Variants in RSPO4 observed in about 807,000 individuals in gnomAD.
RSPO4 encodes the protein R-spondin 4, also known as R-spondin-4.
Under a neutral mutation model 24.8 loss-of-function variants are expected in RSPO4, and 23 were observed. That is an observed-to-expected ratio of 0.93 (90% CI 0.67 to 1.31). The LOEUF (loss-of-function observed/expected upper bound fraction) is 1.31. Ranked by LOEUF, RSPO4 falls within the 40% of genes most tolerant of loss-of-function variation. RSPO4 has a pLI of 0.00. For synonymous variants in RSPO4, 141 were observed against 127.4 expected, an observed-to-expected ratio of 1.11 and a Z score of -0.72; for missense variants, 333 against 316.5, an observed-to-expected ratio of 1.05 and a Z score of -0.39.
intron 2 of RSPO4, 86 bp downstream of exon 2, chr20:967,864 G>A (rs1984265295): frequency 1.5e-6 from 2 of 1,316,506 alleles, no homozygotes; most frequent in African/African-American, 2.9e-5. Context: ...CTTCCCCTCT[G>A]TCTGTGCTGG....
chr20:975,815 T>C (rs1984545760), intron 1 of RSPO4, among the ~76,000 whole-genome samples: 1 of 152,228 alleles, frequency 6.6e-6, no homozygotes, highest in Admixed American at 6.5e-5. Flanking sequence ...ACTTTACCTC[T>C]ACAAGCCTCA....
intron 1 of RSPO4, among the ~76,000 whole-genome samples, chr20:972,806 C>T (rs902330741): frequency 2.0e-5 from 3 of 152,208 alleles, no homozygotes; most frequent in Admixed American, 2.0e-4. Context: ...TGTGCCTTGG[C>T]GCTGTGTAAG....
intron 1 of RSPO4, among the ~76,000 whole-genome samples, chr20:991,305 A>G (rs759468681): frequency 6.6e-6 from 1 of 152,156 alleles, no homozygotes; most frequent in Non-Finnish European, 1.5e-5. Context: ...AACCCAGACC[A>G]TAAGGCAGAA....
intron 1 of RSPO4, among the ~76,000 whole-genome samples, chr20:968,925 C>T (rs561436492): frequency 1.3e-5 from 2 of 152,312 alleles, no homozygotes; most frequent in East Asian, 3.9e-4. Context: ...TTAAGTGAGC[C>T]TCTCCCAGGC....
At position 960,367 on chromosome 20, in the gene RSPO4, A is replaced by G. The variant is rs1172680206; in HGVS notation, c.695T>C (p.Leu232Pro). 2 of 1,536,568 alleles carry G rather than the reference A, an allele frequency of 1.3e-6. No homozygotes were observed. Among genetic ancestry groups the G allele is most frequent in the Admixed American group, 3.9e-5 (2 of 51,060 alleles). ...CGGGAGAGCCGGCGGTCAGGGCTGC[A>G]GGCCGGGCTGGCGCGGCCTCACGTC... ...RLDVRPRQPG[L>P]QP is the part of the protein sequence containing the mutation. Residue 232 changes from leucine to proline, a missense_variant, in exon 5 of 5, where the codon CTG becomes CCG. Leu to Pro is a moderately conservative substitution (Grantham distance 98). Transcript: ENST00000217260.
chr20:994,886 T>C lies in RSPO4; in HGVS notation c.79+7200A>G, dbSNP rs144592706. ...GCTCCATCCTGTCTTCTGACATTTG[T>C]CCCAGCCCTGGGAAAAAAGGCAAAG... On this transcript the variant is annotated intron_variant, in intron 1 of 4. Transcript: ENST00000217260. Among the ~76,000 whole-genome samples the C allele has an allele frequency of 3.5e-3, 540 of 152,138 alleles. 3 individuals carry two copies. Among genetic ancestry groups the C allele is most frequent in the African/African-American group, 0.012 (517 of 41,522 alleles).
At chr20:966,900 C>T (rs996050682) in intron 3 of RSPO4, among the ~76,000 whole-genome samples, 3 of 152,280 alleles carry the variant, frequency 2.0e-5, no homozygotes, top group Non-Finnish European at 4.4e-5. Flanking sequence ...TAAACATCAG[C>T]GCTCTTCTTC....
chr20:964,456 G>T (rs1180075495), intron 3 of RSPO4, among the ~76,000 whole-genome samples: 1 of 152,012 alleles, frequency 6.6e-6, no homozygotes, highest in Non-Finnish European at 1.5e-5. Flanking sequence ...AAAGCCTTGG[G>T]AGCCCGGCCC....
intron 1 of RSPO4, among the ~76,000 whole-genome samples, chr20:996,587 C>T (rs1028491149): frequency 1.3e-5 from 2 of 152,162 alleles, no homozygotes; most frequent in East Asian, 1.9e-4. Flanking sequence ...GCACCACATA[C>T]GATCTGTTGC....
rs1054245460 is a variant in RSPO4 at position 960,618 on chromosome 20, G to T, written c.596-152C>A. The stretch of plus-strand genomic sequence containing the variant: ...CACTGACCTTGCAGTCCCTCCTGTT[G>T]AGAGTTTGGACCGTGGGCTAAGGTA... On this transcript the variant is annotated intron_variant, in intron 4 of 4. Transcript: ENST00000217260. 7.3e-6 allele frequency: 5 copies of T among 689,098 alleles called. No individual in the cohort carries two copies. In the Admixed American group the frequency reaches 1.0e-4, roughly 14 times the overall value. 42.7% of individuals were successfully genotyped at this position (689,098 alleles called of 1,614,324 possible).
Position 960,297 on chromosome 20 carries a change from G to A in RSPO4, c.*60C>T, listed in dbSNP as rs1410848883. 3.9e-6 allele frequency: 4 copies of A among 1,028,178 alleles called. No individual in the cohort carries two copies. The highest frequency in any genetic ancestry group is 1.4e-5 in the South Asian group (1 of 73,808). The allele number at this position is 1,028,178 out of a possible 1,614,324, so 63.7% of individuals were successfully genotyped here. On this transcript the variant is annotated 3_prime_UTR_variant, in exon 5 of 5. Coordinates refer to ENST00000217260, the MANE Select transcript of RSPO4 (RefSeq NM_001029871.4). ...AAGAGTAAGAGGAGAGGAGGAGAAG[G>A]AGCAGGAGGAGGTGTGCAGGGGCCG...
intron 3 of RSPO4, among the ~76,000 whole-genome samples, chr20:965,804 T>C (rs78938613): frequency 0.017 from 2,613 of 152,326 alleles, 73 homozygotes; most frequent in African/African-American, 0.059. Context: ...CTTCTGTCTC[T>C]CCACTGAAAT....
rs970148857 is a variant in RSPO4 at position 981,790 on chromosome 20, G to A, written c.80-13652C>T. ...TGTCCCCACATTAAAGCATAGAGAA[G>A]GCCTGAGCCCCTGCCCTATGCTGGT... On this transcript the variant is annotated intron_variant, in intron 1 of 4. Coordinates refer to ENST00000217260, the MANE Select transcript of RSPO4 (RefSeq NM_001029871.4). This position sits in a 1 kb window ranked among gnomAD's most constrained non-coding sequence, Gnocchi z 4.6. 1.3e-5 allele frequency among the ~76,000 whole-genome samples: 2 copies of A among 152,130 alleles called. No individual in the cohort carries two copies. Among genetic ancestry groups the A allele is most frequent in the African/African-American group, 4.8e-5 (2 of 41,430 alleles).
In RSPO4 at chr20:967,313, T is replaced by A. The variant is rs1401890369; in HGVS notation, c.270A>T (p.Lys90Asn). The change falls in exon 3 of 5, where the codon AAA becomes AAT. Residue 90 changes from lysine (K) to asparagine (N), a missense_variant and splice_region_variant. Physicochemically the swap from Lys to Asn is moderately conservative, Grantham distance 94. Coordinates refer to ENST00000217260, the MANE Select transcript of RSPO4 (RefSeq NM_001029871.4). ...IRGQEVNRCK[K>N]CGATCESCFS... is the part of the protein sequence containing the mutation. The stretch of plus-strand genomic sequence containing the variant: ...AGCAGCTCTCACAAGTGGCCCCACA[T>A]TCTGTAATAGAGCCAGGGACACCCC... The A allele has an allele frequency of 1.2e-6, 2 of 1,614,122 alleles. No individual in the cohort carries two copies. The highest frequency in any genetic ancestry group is 1.7e-6 in the Non-Finnish European group (2 of 1,180,038).
chr20:968,399 T>C (rs1318405575), intron 1 of RSPO4, among the ~76,000 whole-genome samples: 2 of 152,242 alleles, frequency 1.3e-5, no homozygotes, highest in African/African-American at 4.8e-5. Flanking sequence ...TGTCGTCCCC[T>C]CATCCTTTCT....
intron 1 of RSPO4, 129 bp downstream of exon 1, chr20:1,001,957 C>T: frequency 1.4e-6 from 1 of 726,268 alleles, no homozygotes; most frequent in Non-Finnish European, 2.3e-6. Flanking sequence ...TGAGACTCGT[C>T]TGGAGGAGCG....
At chr20:961,525 A>G (rs1600086582) in intron 4 of RSPO4, among the ~76,000 whole-genome samples, 1 of 152,274 alleles carries the variant, frequency 6.6e-6, no homozygotes, top group East Asian at 1.9e-4. Context: ...TCAAGGAGCT[A>G]AGACCAGGCT....
At chr20:961,852 C>T (rs180680755) in intron 4 of RSPO4, among the ~76,000 whole-genome samples, 2 of 151,976 alleles carry the variant, frequency 1.3e-5, no homozygotes, top group Admixed American at 6.6e-5. Context: ...CACCTCCATA[C>T]CCAATGACCC....
rs538999852 is a variant in RSPO4 at position 1,001,163 on chromosome 20, G to A, written c.79+923C>T. On this transcript the variant is annotated intron_variant, in intron 1 of 4. Transcript: ENST00000217260. ...TGTCATGAGCATATAGTTGGGATTT[G>A]ATGAGCTAGGACATGAAAAACCCGT... is the stretch of plus-strand genomic sequence containing the variant. Among the ~76,000 whole-genome samples, 40 of 152,310 alleles carry A rather than the reference G, an allele frequency of 2.6e-4. 1 individual carries two copies. In the South Asian group the frequency reaches 6.6e-3, roughly 25 times the overall value.
Sources: gnomAD v4.1 joint callset for allele counts (sites outside exome capture counted in the v4.1 genomes callset) on GRCh38, gnomAD v4.1.1 for gene constraint, Gnocchi (gnomAD v3.1) non-coding constraint, MANE v1.5 for transcripts, NCBI Gene and HGNC (gene_info 2026-07-23, HGNC 2026-07-21) for gene names.